TNFAIP8: variants seen among roughly 807,000 people sequenced by gnomAD.
TNFAIP8 encodes tumor necrosis factor alpha-induced protein 8.
In TNFAIP8, 7 loss-of-function variants were observed where a neutral mutation model predicts 13.3. The observed-to-expected ratio is 0.52, with a 90% CI of 0.30 to 0.99. TNFAIP8 has a LOEUF of 0.99. TNFAIP8 is among the 50% of genes least tolerant of loss of function. The pLI, the probability that TNFAIP8 is intolerant of heterozygous loss-of-function variation, is 0.07. For synonymous variants in TNFAIP8, 94 were observed against 87.6 expected, an observed-to-expected ratio of 1.07 and a Z score of -0.41; for missense variants, 258 against 236.9, an observed-to-expected ratio of 1.09 and a Z score of -0.58.
intron 1 of TNFAIP8, among the ~76,000 whole-genome samples, chr5:119,350,840 T>A (rs1422768550): frequency 6.6e-6 from 1 of 152,128 alleles, no homozygotes; most frequent in Non-Finnish European, 1.5e-5. Context: ...ATCTCCACAC[T>A]CATCCTCAGC....
intron 1 of TNFAIP8, among the ~76,000 whole-genome samples, chr5:119,348,483 T>C (rs1489751699): frequency 2.6e-5 from 4 of 152,190 alleles, no homozygotes; most frequent in Non-Finnish European, 4.4e-5. Flanking sequence ...AGTTGTTTTT[T>C]CAAGGAGGCT....
At position 119,393,321 on chromosome 5, in the gene TNFAIP8, AC is replaced by A; in HGVS notation, c.541del (p.His181ThrfsTer23). 1 of 1,613,998 alleles carries A rather than the reference AC, an allele frequency of 6.2e-7. No individual in the cohort carries two copies. Among genetic ancestry groups the A allele is most frequent in the Non-Finnish European group, 8.5e-7 (1 of 1,179,890 alleles). ...ALYNPFGNFK[P>X]HLQKLCDGIN... The stretch of plus-strand genomic sequence containing the variant: ...TGTATAATCCTTTTGGGAATTTTAA[AC>A]CCCACTTACAAAAACTATGTGATGG... On this transcript the variant is annotated frameshift_variant, in exon 2 of 2. Transcript: ENST00000504771. LOFTEE classifies it high-confidence loss of function.
At position 119,273,200 on chromosome 5, in the gene TNFAIP8, AT is replaced by A. The variant is rs564351526; in HGVS notation, c.1+4295del. On this transcript the variant is annotated intron_variant, in intron 1 of 1. Coordinates refer to the TNFAIP8 transcript ENST00000274456. ...AGTAAAAACTGGGGATAGTATTTAT[AT>A]TATAGGATTGTTGTGCAGATTAAGC... 9.6e-4 allele frequency among the ~76,000 whole-genome samples: 146 copies of A among 152,282 alleles called. 2 individuals are homozygous for A. Among genetic ancestry groups the A allele is most frequent in the African/African-American group, 3.4e-3 (140 of 41,558 alleles).
At chr5:119,307,098 C>T (rs889875854) in intron 1 of TNFAIP8, among the ~76,000 whole-genome samples, 8 of 152,072 alleles carry the variant, frequency 5.3e-5, no homozygotes, top group Non-Finnish European at 8.8e-5. Context: ...CTTTGGGACT[C>T]GCCTTTTTTC....
rs1299689390 is a variant in TNFAIP8 at position 119,392,967 on chromosome 5, C to T, written c.183C>T (p.Tyr61=). The change falls in exon 2 of 2, where the codon TAC becomes TAT. Residue 61 remains tyrosine, a synonymous_variant. Coordinates refer to ENST00000504771, the MANE Select transcript of TNFAIP8 (RefSeq NM_014350.4). ...AGCTCTACAGAGTGACCAGGGAGTA[C>T]ACCCAAAACAAGAAGGAGGCAGAGA... The part of the protein sequence containing the change: ...LDELYRVTRE[Y]TQNKKEAEKI... 8 of 1,611,854 alleles carry T rather than the reference C, an allele frequency of 5.0e-6. No homozygotes were observed. Among genetic ancestry groups the T allele is most frequent in the South Asian group, 2.2e-5 (2 of 90,636 alleles).
At chr5:119,363,244 G>T (rs957560629) in intron 1 of TNFAIP8, among the ~76,000 whole-genome samples, 7 of 152,182 alleles carry the variant, frequency 4.6e-5, no homozygotes, top group Non-Finnish European at 2.9e-5. Flanking sequence ...TTCCTTTTGG[G>T]CCTCAGCTAA....
At chr5:119,324,038 A>T (rs1750139528) in intron 1 of TNFAIP8, among the ~76,000 whole-genome samples, 1 of 152,062 alleles carries the variant, frequency 6.6e-6, no homozygotes. Context: ...TGCTGTTGTA[A>T]TGACTCTAAA....
intron 1 of TNFAIP8, among the ~76,000 whole-genome samples, chr5:119,297,727 T>A (rs1203830505): frequency 1.3e-5 from 2 of 152,176 alleles, no homozygotes; most frequent in African/African-American, 4.8e-5. Flanking sequence ...CCCATTATTA[T>A]TGTGTGGGAG....
intron 1 of TNFAIP8, 112 bp from the exon 2 acceptor site, chr5:119,392,704 A>C (rs1036360502): frequency 7.9e-7 from 1 of 1,269,520 alleles, no homozygotes; most frequent in Non-Finnish European, 1.1e-6. Context: ...GACAAACCAC[A>C]AATGGTGGGA....
chr5:119,367,317 G>C (rs199572477), intron 1 of TNFAIP8, among the ~76,000 whole-genome samples: 4 of 57,994 alleles, frequency 6.9e-5, no homozygotes, highest in African/African-American at 2.0e-4. Context: ...CTGTTGTTTA[G>C]TTATTTGAGT....
chr5:119,283,052 G>C (rs1214838304), intron 1 of TNFAIP8, among the ~76,000 whole-genome samples: 1 of 152,204 alleles, frequency 6.6e-6, no homozygotes, highest in African/African-American at 2.4e-5. Flanking sequence ...GGCTTCTAGA[G>C]ACAGGTGAGT....
intron 1 of TNFAIP8, among the ~76,000 whole-genome samples, chr5:119,307,304 A>T (rs1749595537): frequency 6.6e-6 from 1 of 152,234 alleles, no homozygotes; most frequent in African/African-American, 2.4e-5. Flanking sequence ...TATGTTATAA[A>T]TAATGCTGCA....
At chr5:119,326,113 A>G (rs180826114) in intron 1 of TNFAIP8, among the ~76,000 whole-genome samples, 11 of 152,284 alleles carry the variant, frequency 7.2e-5, no homozygotes, top group Admixed American at 5.9e-4. Context: ...GTCAATGCCT[A>G]CCATTCAGTA....
intron 1 of TNFAIP8, among the ~76,000 whole-genome samples, chr5:119,278,454 T>C (rs1277590903): frequency 6.7e-6 from 1 of 149,848 alleles, no homozygotes; most frequent in Non-Finnish European, 1.5e-5. Flanking sequence ...AATAAATTGC[T>C]TCTCTAGTAG....
At chr5:119,387,503 C>A (rs1426708069) in intron 1 of TNFAIP8, among the ~76,000 whole-genome samples, 2 of 152,102 alleles carry the variant, frequency 1.3e-5, no homozygotes, top group East Asian at 3.9e-4. Flanking sequence ...ACTGGTAAGA[C>A]TGTAAAGAAA....
intron 1 of TNFAIP8, among the ~76,000 whole-genome samples, chr5:119,308,337 C>T (rs915744641): frequency 1.3e-4 from 20 of 150,290 alleles, no homozygotes; most frequent in Non-Finnish European, 2.5e-4. Context: ...CTGTTTCTCT[C>T]TTTCTGTTTA....
intron 1 of TNFAIP8, among the ~76,000 whole-genome samples, chr5:119,273,175 A>G (rs1748340390): frequency 6.6e-6 from 1 of 152,196 alleles, no homozygotes; most frequent in Non-Finnish European, 1.5e-5. Flanking sequence ...TCTTCACCAG[A>G]GTAAAAACTG....
intron 1 of TNFAIP8, among the ~76,000 whole-genome samples, chr5:119,325,608 C>T (rs1043357630): frequency 7.2e-5 from 11 of 152,192 alleles, no homozygotes; most frequent in South Asian, 2.1e-4. Flanking sequence ...CCACCATACC[C>T]GGCTAATTTT....
upstream of TNFAIP8, among the ~76,000 whole-genome samples, chr5:119,353,896 T>C (rs1052588652): frequency 1.3e-5 from 2 of 152,242 alleles, no homozygotes; most frequent in African/African-American, 4.8e-5. Flanking sequence ...GAAAAGGTGT[T>C]GCTTTACCCC....
Sources: gnomAD v4.1 joint callset for allele counts (sites outside exome capture counted in the v4.1 genomes callset) on GRCh38, gnomAD v4.1.1 for gene constraint, MANE v1.5 for transcripts, NCBI Gene and HGNC (gene_info 2026-07-23, HGNC 2026-07-21) for gene names.